HHLA2: variants seen among roughly 807,000 people sequenced by gnomAD.
HHLA2 encodes HHLA2 member of B7 family, also known as HERV-H LTR-associating protein 2.
Under a neutral mutation model 45.9 loss-of-function variants are expected in HHLA2, and 48 were observed. That is an observed-to-expected ratio of 1.05 (90% CI 0.83 to 1.33). The LOEUF is 1.33. HHLA2 is among the 40% of genes most tolerant of loss of function. The probability of loss-of-function intolerance (pLI) is 0.00; values close to 1 mark genes in which losing one functional copy is unlikely to be tolerated. For missense variants in HHLA2, 462 were observed against 494.3 expected (o/e 0.93, Z 0.62); for synonymous variants, 161 against 173.9 (o/e 0.93, Z 0.59).
chr3:108,345,058 C>G (rs1441026263), intron 3 of HHLA2, among the ~76,000 whole-genome samples: 1 of 152,126 alleles, frequency 6.6e-6, no homozygotes, highest in African/African-American at 2.4e-5. Context: ...CCAACCCCTC[C>G]CAAGATGGGG....
chr3:108,314,452 TC>T (rs2081070286), intron 2 of HHLA2, among the ~76,000 whole-genome samples: 1 of 152,132 alleles, frequency 6.6e-6, no homozygotes, highest in African/African-American at 2.4e-5. Context: ...ATTCATTGCT[TC>T]CCAATTTTTA....
intron 3 of HHLA2, among the ~76,000 whole-genome samples, chr3:108,338,076 C>T (rs2081504590): frequency 6.6e-6 from 1 of 151,710 alleles, no homozygotes; most frequent in African/African-American, 2.4e-5. Context: ...CAAACGCACA[C>T]ACACATATGT....
chr3:108,348,058 G>T (rs1434388031), intron 3 of HHLA2, among the ~76,000 whole-genome samples: 1 of 152,076 alleles, frequency 6.6e-6, no homozygotes, highest in African/African-American at 2.4e-5. Flanking sequence ...TGATCCAGTA[G>T]ATAAGTTTGA....
At chr3:108,376,362 T>C in intron 9 of HHLA2, 131 bp from the exon 9 acceptor site, 2 of 652,362 alleles carry the variant, frequency 3.1e-6, no homozygotes, top group Non-Finnish European at 2.5e-6. Context: ...TTTTTCATGT[T>C]GTTTGTTAAA....
At chr3:108,332,059 T>C (rs1032723520) in intron 3 of HHLA2, among the ~76,000 whole-genome samples, 2 of 152,220 alleles carry the variant, frequency 1.3e-5, no homozygotes, top group African/African-American at 4.8e-5. Flanking sequence ...TAGACCACGT[T>C]AGTTTCTTTT....
exon 6 of HHLA2, chr3:108,355,158 C>T (rs1470061977): frequency 1.2e-6 from 2 of 1,613,486 alleles, no homozygotes; most frequent in Admixed American, 1.7e-5. Context: ...GGAACACAAA[C>T]AGCTTCTTAA....
intron 7 of HHLA2, among the ~76,000 whole-genome samples, chr3:108,360,905 T>C (rs2081974630): frequency 6.6e-6 from 1 of 152,188 alleles, no homozygotes; most frequent in Non-Finnish European, 1.5e-5. Context: ...AACACTATAG[T>C]ATGTTCATAG....
At chr3:108,328,012 A>G (rs2081317167) in intron 2 of HHLA2, among the ~76,000 whole-genome samples, 1 of 152,122 alleles carries the variant, frequency 6.6e-6, no homozygotes, top group Non-Finnish European at 1.5e-5. Flanking sequence ...GGGTGTCTGT[A>G]GTCCCAGCTA....
chr3:108,311,625 G>C (rs2081019755), intron 2 of HHLA2, among the ~76,000 whole-genome samples: 2 of 152,132 alleles, frequency 1.3e-5, no homozygotes, highest in South Asian at 4.2e-4. Context: ...CACAAGAAAG[G>C]AGTGTAGCTT....
chr3:108,318,483 C>A (rs1219445109), intron 2 of HHLA2, among the ~76,000 whole-genome samples: 1 of 152,170 alleles, frequency 6.6e-6, no homozygotes, highest in Admixed American at 6.5e-5. Flanking sequence ...TCTTATAATT[C>A]ACCAGTTATA....
chr3:108,308,462 C>G (rs964640370), intron 1 of HHLA2, among the ~76,000 whole-genome samples: 3 of 152,214 alleles, frequency 2.0e-5, no homozygotes, highest in African/African-American at 7.2e-5. Flanking sequence ...ATGAGCAGTG[C>G]TGTAACAAAC....
chr3:108,358,309 G>A (rs888141198), intron 7 of HHLA2, 148 bp downstream of exon 6: 6 of 588,206 alleles, frequency 1.0e-5, no homozygotes, highest in Non-Finnish European at 1.7e-5. Flanking sequence ...TCAGGATGTC[G>A]ATTACCCTCC....
At chr3:108,313,477 C>T (rs544563801) in intron 2 of HHLA2, among the ~76,000 whole-genome samples, 4 of 152,176 alleles carry the variant, frequency 2.6e-5, no homozygotes, top group African/African-American at 7.2e-5. Context: ...AGGGCCCCCA[C>T]GGATATTACC....
intron 8 of HHLA2, among the ~76,000 whole-genome samples, chr3:108,371,748 A>C (rs1029093410): frequency 2.0e-5 from 3 of 152,218 alleles, no homozygotes; most frequent in Admixed American, 2.0e-4. Context: ...CATAATGGTA[A>C]AGGGATCAAC....
intron 3 of HHLA2, among the ~76,000 whole-genome samples, chr3:108,333,598 C>A (rs1475477336): frequency 2.8e-5 from 3 of 108,250 alleles, no homozygotes; most frequent in East Asian, 3.2e-4. Context: ...TCTCAGTAAC[C>A]AAAAAAAAAA....
intron 2 of HHLA2, among the ~76,000 whole-genome samples, chr3:108,320,146 A>G (rs530768573): frequency 6.6e-6 from 1 of 152,320 alleles, no homozygotes; most frequent in South Asian, 2.1e-4. Context: ...AACTTTTCAT[A>G]GACTATTTCC....
intron 8 of HHLA2, 63 bp downstream of exon 7, chr3:108,362,509 G>T: frequency 9.3e-7 from 1 of 1,080,128 alleles, no homozygotes; most frequent in South Asian, 1.4e-5. Flanking sequence ...AGATAACATG[G>T]AAATACATGC....
At chr3:108,340,908 TTTCCTTCCTTCCTTCCTTCC>T (rs1198848913) in intron 3 of HHLA2, among the ~76,000 whole-genome samples, 42 of 59,468 alleles carry the variant, frequency 7.1e-4, no homozygotes, top group African/African-American at 3.5e-3. Context: ...TTTTTTTTTT[TTTCCTTCCTTCCTTCCTTCC>T]TTCCTTCCTT....
intron 2 of HHLA2, among the ~76,000 whole-genome samples, chr3:108,327,792 G>A (rs528414052): frequency 1.3e-5 from 2 of 152,170 alleles, no homozygotes; most frequent in Admixed American, 1.3e-4. Flanking sequence ...TTGTTTTCTT[G>A]TCTCTGAGTG....
Sources: gnomAD v4.1 joint callset for allele counts (sites outside exome capture counted in the v4.1 genomes callset) on GRCh38, gnomAD v4.1.1 for gene constraint, MANE v1.5 for transcripts, NCBI Gene and HGNC (gene_info 2026-07-23, HGNC 2026-07-21) for gene names.